Variants in EBNA1BP2 observed in about 807,000 individuals in gnomAD.
EBNA1BP2 encodes EBNA1 binding protein 2.
In EBNA1BP2, 36 loss-of-function variants were observed where a neutral mutation model predicts 43.5. The observed-to-expected ratio is 0.83, with a 90% CI of 0.63 to 1.09. EBNA1BP2 has a LOEUF of 1.09. Among genes scored for constraint, EBNA1BP2 ranks in the 50% least tolerant of loss-of-function variants. The pLI, the probability that EBNA1BP2 is intolerant of heterozygous loss-of-function variation, is 0.00. For synonymous variants in EBNA1BP2, 127 were observed against 141.3 expected (o/e 0.90, Z 0.72); for missense variants, 332 against 379.1 (o/e 0.88, Z 1.03).
Position 43,171,876 on chromosome 1 carries a change from C to T in EBNA1BP2, c.150+10G>A. 1 of 1,613,654 alleles carries T rather than the reference C, an allele frequency of 6.2e-7. No homozygotes were observed. Among genetic ancestry groups the T allele is most frequent in the Non-Finnish European group, 8.5e-7 (1 of 1,179,768 alleles). ...TGTCCGAGTACCCCCGACCCTGTGCCCACGCTCACCACGTCGTTCACGGCC... is the reference window on the plus strand; with the variant it reads ...TGTCCGAGTACCCCCGACCCTGTGCTCACGCTCACCACGTCGTTCACGGCC... On this transcript the variant is annotated intron_variant, in intron 2 of 8. Coordinates refer to ENST00000236051, the MANE Select transcript of EBNA1BP2 (RefSeq NM_006824.3).
At position 43,166,742 on chromosome 1, in the gene EBNA1BP2, G is replaced by A. The variant is rs562537130; in HGVS notation, c.707+84C>T. On this transcript the variant is annotated intron_variant, in intron 7 of 8. Transcript: ENST00000236051. ...TCTGGACTCTATGGCTGCGCCGGTG[G>A]AGGTGCTATGTCTGCCATACTCGTG... 4.3e-5 allele frequency: 59 copies of A among 1,365,262 alleles called. No individual in the cohort carries two copies. In the African/African-American group the frequency reaches 8.0e-4, roughly 19 times the overall value. 84.6% of individuals were successfully genotyped at this position (1,365,262 alleles called of 1,614,324 possible). A position where few individuals can be genotyped will look rare whatever the true frequency, so the allele number is the denominator to read the frequency against.
intron 5 of EBNA1BP2, 48 bp downstream of exon 5, chr1:43,168,891 T>A: frequency 6.3e-7 from 1 of 1,593,732 alleles, no homozygotes; most frequent in Non-Finnish European, 8.6e-7. Context: ...CAATCTCATC[T>A]AACACACACT....
chr1:43,170,247 G>T (rs1448739799), intron 4 of EBNA1BP2, among the ~76,000 whole-genome samples: 1 of 152,138 alleles, frequency 6.6e-6, no homozygotes, highest in Non-Finnish European at 1.5e-5. Context: ...GGCTATGGAG[G>T]GCTGAATGTA....
intron 5 of EBNA1BP2, 36 bp downstream of exon 5, chr1:43,168,903 C>G (rs551875916): frequency 1.9e-6 from 3 of 1,605,030 alleles, no homozygotes; most frequent in South Asian, 2.2e-5. Flanking sequence ...ACACACACTC[C>G]GCCTCTTCCT....
chr1:43,165,514 A>G (rs949862494), intron 7 of EBNA1BP2, among the ~76,000 whole-genome samples: 2 of 152,190 alleles, frequency 1.3e-5, no homozygotes, highest in Admixed American at 6.5e-5. Flanking sequence ...TGTTTCTTCA[A>G]TCCTTATCTC....
intron 5 of EBNA1BP2, 25 bp from the exon 6 acceptor site, chr1:43,167,260 T>A (rs777357850): frequency 6.2e-7 from 1 of 1,608,798 alleles, no homozygotes. Context: ...CAAGGACCGT[T>A]ACAGCCATTC....
chr1:43,164,480 T>C lies in EBNA1BP2; in HGVS notation c.884A>G (p.Lys295Arg), dbSNP rs746310555. The stretch of plus-strand genomic sequence containing the variant: ...GTTCTTCATCTTCTCTCTTGTTCGT[T>C]TTCCAGGTCTCTTCTACAGAAAAAG... ...GKKGSNKRPG[K>R]RTREKMKNRT... The change falls in exon 9 of 9, where the codon AAA becomes AGA. Residue 295 changes from lysine to arginine, a missense_variant. This residue lies in a region of EBNA1BP2 where 59 missense variants were observed against 53.3 expected (regional missense o/e 1.11). Coordinates refer to ENST00000236051, the MANE Select transcript of EBNA1BP2 (RefSeq NM_006824.3). 2.5e-6 allele frequency: 4 copies of C among 1,614,170 alleles called. No homozygotes were observed. In the South Asian group the frequency reaches 4.4e-5, roughly 18 times the overall value.
intron 6 of EBNA1BP2, 37 bp from the exon 7 acceptor site, chr1:43,166,956 T>C (rs1644922974): frequency 6.3e-7 from 1 of 1,597,614 alleles, no homozygotes; most frequent in Non-Finnish European, 8.5e-7. Flanking sequence ...AGCACCATTG[T>C]ATTTTAAGAA....
At chr1:43,170,111 A>C (rs1644945373) in intron 4 of EBNA1BP2, among the ~76,000 whole-genome samples, 1 of 152,172 alleles carries the variant, frequency 6.6e-6, no homozygotes, top group South Asian at 2.1e-4. Flanking sequence ...GCATCACCTC[A>C]TTCTCATGGA....
chr1:43,167,007 C>A, intron 6 of EBNA1BP2, 88 bp from the exon 7 acceptor site: 1 of 1,524,416 alleles, frequency 6.6e-7, no homozygotes, highest in Non-Finnish European at 9.0e-7. Context: ...ATTTGCTACA[C>A]TGATTTTAAG....
chr1:43,172,551 G>C, upstream of EBNA1BP2: 1 of 961,846 alleles, frequency 1.0e-6, no homozygotes, highest in Non-Finnish European at 1.5e-6. Flanking sequence ...GGGTGGCGCG[G>C]AGGAGGACCC....
In EBNA1BP2 at chr1:43,170,809, G is replaced by A. The variant is rs767065106; in HGVS notation, c.394C>T (p.Arg132Ter). ...ATTTCCGCAAAATAATCAGTGGGTC[G>A]CTTCGTAGGGACTTTGAGCTGATGG... ...RLHQLKVPTK[R>*]PTDYFAEMAK... Residue 132 changes from arginine (R) to a stop codon, truncating the protein, a stop_gained, in exon 4 of 9, where the codon CGA (arginine) becomes TGA (stop). Coordinates refer to ENST00000236051, the MANE Select transcript of EBNA1BP2 (RefSeq NM_006824.3). LOFTEE classifies it high-confidence loss of function. 3.1e-6 allele frequency: 5 copies of A among 1,607,264 alleles called. No individual in the cohort carries two copies. Among genetic ancestry groups the A allele is most frequent in the East Asian group, 2.3e-5 (1 of 44,330 alleles).
In EBNA1BP2 at chr1:43,170,775, GA is replaced by G. The variant is rs768160695; in HGVS notation, c.427del (p.Ser143LeufsTer53). On this transcript the variant is annotated frameshift_variant, in exon 4 of 9. Coordinates refer to ENST00000236051, the MANE Select transcript of EBNA1BP2 (RefSeq NM_006824.3). LOFTEE classifies it high-confidence loss of function. ...PTDYFAEMAK[S>X]DLQMQKIRQK... ...TCTTACCTTCTGCATCTGCAGATCA[GA>G]TTTGGCCATTTCCGCAAAATAATCA... 11 of 1,607,598 alleles carry G rather than the reference GA, an allele frequency of 6.8e-6. No homozygotes were observed. The South Asian group carries it at 1.2e-4, about 18-fold the overall frequency.
At position 43,164,635 on chromosome 1, in the gene EBNA1BP2, T is replaced by A. The variant is rs1644906310; in HGVS notation, c.870+8A>T. On this transcript the variant is annotated splice_region_variant and intron_variant, in intron 8 of 8. Coordinates refer to ENST00000236051, the MANE Select transcript of EBNA1BP2 (RefSeq NM_006824.3). ...CTGCTCCTCACCCGGGCACCTGGGC[T>A]CACTTACATTTGACCCTTTCTTGCC... The A allele has an allele frequency of 1.9e-6, 3 of 1,614,018 alleles. No homozygotes were observed. The highest frequency in any genetic ancestry group is 2.5e-6 in the Non-Finnish European group (3 of 1,180,028).
Position 43,168,322 on chromosome 1 carries a change from A to C in EBNA1BP2, c.537+617T>G, listed in dbSNP as rs542511285. ...CTTCCTCACATTCATTTCTTCCCAC[A>C]ATCCTAACTTTAAAATCTGTCATCT... On this transcript the variant is annotated intron_variant, in intron 5 of 8. Coordinates refer to ENST00000236051, the MANE Select transcript of EBNA1BP2 (RefSeq NM_006824.3). Among the ~76,000 whole-genome samples the C allele has an allele frequency of 7.9e-5, 12 of 152,330 alleles. No individual in the cohort carries two copies. The South Asian group carries it at 2.5e-3, about 32-fold the overall frequency.
At chr1:43,167,110 C>T (rs766105563) in intron 6 of EBNA1BP2, 50 bp downstream of exon 6, 5 of 1,590,338 alleles carry the variant, frequency 3.1e-6, no homozygotes, top group Non-Finnish European at 4.3e-6. Flanking sequence ...GTGTTCAAAT[C>T]AACTCTAAAG....
chr1:43,171,311 A>G, intron 3 of EBNA1BP2, 168 bp downstream of exon 3: 1 of 888,122 alleles, frequency 1.1e-6, no homozygotes, highest in East Asian at 3.1e-5. Flanking sequence ...ACCGTGGACC[A>G]AAGAGCTCTT....
intron 7 of EBNA1BP2, among the ~76,000 whole-genome samples, chr1:43,165,704 C>T (rs997657939): frequency 6.6e-6 from 1 of 152,142 alleles, no homozygotes; most frequent in Non-Finnish European, 1.5e-5. Flanking sequence ...CAAGGCAAAC[C>T]CACAGCCCAG....
chr1:43,169,780 C>T (rs374773730), intron 4 of EBNA1BP2, among the ~76,000 whole-genome samples: 4 of 152,258 alleles, frequency 2.6e-5, no homozygotes, highest in Non-Finnish European at 4.4e-5. Context: ...GGAACCAGGC[C>T]GCACAGCAGA....
Sources: allele counts gnomAD v4.1 joint callset (sites outside exome capture counted in the v4.1 genomes callset), GRCh38; gene constraint gnomAD v4.1.1; regional missense constraint gnomAD v4.1.1; transcripts MANE v1.5; gene names NCBI Gene and HGNC (gene_info 2026-07-23, HGNC 2026-07-21).